PTPRD: variants seen among roughly 807,000 people sequenced by gnomAD.
PTPRD encodes the protein protein tyrosine phosphatase receptor type D.
In PTPRD, 34 loss-of-function variants were observed where a neutral mutation model predicts 214.5. The observed-to-expected ratio is 0.16, with a 90% CI of 0.12 to 0.21. The LOEUF is 0.21. Ranked by LOEUF, PTPRD falls within the 10% of genes least tolerant of loss-of-function variation. The pLI is 1.00. For missense variants in PTPRD, 2,545 were observed against 2,398.7 expected, an observed-to-expected ratio of 1.06 and a Z score of -1.27; for synonymous variants, 1,128 against 845.7, an observed-to-expected ratio of 1.33 and a Z score of -5.79.
chr9:8,643,405 T>G (rs1013981978), intron 12 of PTPRD, among the ~76,000 whole-genome samples: 12 of 151,874 alleles, frequency 7.9e-5, no homozygotes, highest in Non-Finnish European at 1.3e-4. Flanking sequence ...AAGGAAAATA[T>G]ATGAAAAGAC....
At chr9:10,127,050 C>T (rs922331727) in intron 3 of PTPRD, among the ~76,000 whole-genome samples, 2 of 149,186 alleles carry the variant, frequency 1.3e-5, no homozygotes, top group Non-Finnish European at 3.0e-5. Context: ...GCAAGGGAAA[C>T]ATACACATAA....
intron 12 of PTPRD, among the ~76,000 whole-genome samples, chr9:8,641,279 T>TA (rs1219094058): frequency 6.7e-6 from 1 of 148,174 alleles, no homozygotes; most frequent in Non-Finnish European, 1.5e-5. Context: ...TCCCATGAGA[T>TA]ACAACCATCA....
At chr9:10,150,205 T>C (rs527248779) in intron 3 of PTPRD, among the ~76,000 whole-genome samples, 1 of 152,256 alleles carries the variant, frequency 6.6e-6, no homozygotes, top group South Asian at 2.1e-4. Context: ...AAAAATAATA[T>C]AAAGGTTTAC....
chr9:10,062,427 GA>G (rs1258391606), intron 3 of PTPRD, among the ~76,000 whole-genome samples: 1 of 151,970 alleles, frequency 6.6e-6, no homozygotes, highest in Non-Finnish European at 1.5e-5. Flanking sequence ...CCAACATGGT[GA>G]AACCCCGTCT....
At chr9:8,790,204 C>T (rs188526330) in intron 11 of PTPRD, among the ~76,000 whole-genome samples, 2 of 151,688 alleles carry the variant, frequency 1.3e-5, no homozygotes, top group East Asian at 1.9e-4. Flanking sequence ...TTTGTAGAGA[C>T]GGGATCTCAC....
intron 9 of PTPRD, among the ~76,000 whole-genome samples, chr9:9,244,424 G>A (rs1361884926): frequency 1.3e-5 from 2 of 152,084 alleles, no homozygotes; most frequent in African/African-American, 4.8e-5. Context: ...CCATGGTACT[G>A]GTACCAATAC....
chr9:8,894,386 GC>G (rs2098585033), intron 11 of PTPRD, among the ~76,000 whole-genome samples: 1 of 146,550 alleles, frequency 6.8e-6, no homozygotes, highest in Non-Finnish European at 1.5e-5. Context: ...GTCTGCAACT[GC>G]ATGCGACTGT....
intron 11 of PTPRD, among the ~76,000 whole-genome samples, chr9:8,903,875 A>C (rs1029882052): frequency 1.4e-5 from 2 of 146,586 alleles, no homozygotes; most frequent in Non-Finnish European, 2.9e-5. Context: ...TGTTCCACAT[A>C]TTTACATATT....
chr9:8,664,488 C>A (rs1241035356), intron 12 of PTPRD, among the ~76,000 whole-genome samples: 1 of 152,148 alleles, frequency 6.6e-6, no homozygotes, highest in Non-Finnish European at 1.5e-5. Context: ...TCAAACTGCA[C>A]ACCAAGAAGC....
chr9:9,065,087 A>G (rs1457314902), intron 10 of PTPRD, among the ~76,000 whole-genome samples: 1 of 152,220 alleles, frequency 6.6e-6, no homozygotes, highest in Non-Finnish European at 1.5e-5. Flanking sequence ...AGCTGGGGAT[A>G]TAACAATATA....
intron 7 of PTPRD, among the ~76,000 whole-genome samples, chr9:9,594,047 A>G (rs2093034834): frequency 6.6e-6 from 1 of 152,104 alleles, no homozygotes; most frequent in African/African-American, 2.4e-5. Context: ...TTAATGAGGC[A>G]GTGATTAAAA....
chr9:10,362,793 T>A (rs1055244384), intron 2 of PTPRD, among the ~76,000 whole-genome samples: 4 of 152,082 alleles, frequency 2.6e-5, no homozygotes, highest in African/African-American at 9.7e-5. Context: ...GGCAGAAGAA[T>A]CGCTTGAACC....
intron 6 of PTPRD, among the ~76,000 whole-genome samples, chr9:9,756,066 T>C (rs1288589474): frequency 6.6e-6 from 1 of 152,104 alleles, no homozygotes; most frequent in Non-Finnish European, 1.5e-5. Context: ...CATAAACCTT[T>C]ATATTCCTCT....
chr9:9,756,329 T>A (rs1223342250), intron 6 of PTPRD, among the ~76,000 whole-genome samples: 1 of 152,054 alleles, frequency 6.6e-6, no homozygotes, highest in Non-Finnish European at 1.5e-5. Context: ...TCCTGGAGAG[T>A]GCTTGCTAGA....
At chr9:8,955,721 G>A (rs1324404838) in intron 11 of PTPRD, among the ~76,000 whole-genome samples, 1 of 151,494 alleles carries the variant, frequency 6.6e-6, no homozygotes, top group Non-Finnish European at 1.5e-5. Flanking sequence ...TGAAACATCG[G>A]AATTTGAAAT....
chr9:10,086,455 G>T (rs1373723198), intron 3 of PTPRD, among the ~76,000 whole-genome samples: 1 of 151,764 alleles, frequency 6.6e-6, no homozygotes, highest in African/African-American at 2.4e-5. Flanking sequence ...ACTATTGCCT[G>T]TCTCAGTGGT....
At chr9:8,372,658 T>G (rs1391978726) in intron 39 of PTPRD, among the ~76,000 whole-genome samples, 1 of 152,002 alleles carries the variant, frequency 6.6e-6, no homozygotes, top group East Asian at 1.9e-4. Flanking sequence ...TAGACCTTCT[T>G]TCTTTTAGAA....
chr9:9,798,357 C>A (rs146685482), intron 5 of PTPRD, among the ~76,000 whole-genome samples: 1 of 152,022 alleles, frequency 6.6e-6, no homozygotes, highest in Non-Finnish European at 1.5e-5. Flanking sequence ...TGTATTTTTA[C>A]GCTACATTTG....
chr9:10,466,421 C>T (rs562823300), intron 2 of PTPRD, among the ~76,000 whole-genome samples: 27 of 151,834 alleles, frequency 1.8e-4, no homozygotes, highest in African/African-American at 2.4e-4. Flanking sequence ...GTCGGGAGTT[C>T]GAGACCAGCC....
Sources: allele counts gnomAD v4.1 joint callset (sites outside exome capture counted in the v4.1 genomes callset), GRCh38; gene constraint gnomAD v4.1.1; transcripts MANE v1.5; gene names NCBI Gene and HGNC (gene_info 2026-07-23, HGNC 2026-07-21).